Variants in TRIM24 observed in about 807,000 individuals in gnomAD.
TRIM24 encodes tripartite motif containing 24, also known as transcription intermediary factor 1-alpha.
A neutral mutation model predicts 123.9 loss-of-function variants in TRIM24; 29 were observed. The ratio of observed to expected loss-of-function variants is 0.23; its 90% CI spans 0.17 to 0.32. The LOEUF (loss-of-function observed/expected upper bound fraction) is 0.32, where lower values mean the gene tolerates loss of function less well. Ranked by LOEUF, TRIM24 falls within the 10% of genes least tolerant of loss-of-function variation. The probability of loss-of-function intolerance (pLI) is 1.00; values close to 1 mark genes in which losing one functional copy is unlikely to be tolerated. For synonymous variants in TRIM24, 456 were observed against 461.1 expected (o/e 0.99, Z 0.14); for missense variants, 932 against 1,295.3 (o/e 0.72, Z 4.31).
chr7:138,584,065 ACC>A, intron 18 of TRIM24, 66 bp downstream of exon 18: 1 of 1,524,034 alleles, frequency 6.6e-7, no homozygotes. Flanking sequence ...ATTACTAAAC[ACC>A]TTGTCAACAT....
At chr7:138,524,357 A>C (rs1256004352) in intron 4 of TRIM24, among the ~76,000 whole-genome samples, 1 of 152,156 alleles carries the variant, frequency 6.6e-6, no homozygotes, top group Non-Finnish European at 1.5e-5. Context: ...CCTTATATTA[A>C]ATAAGGGTAG....
chr7:138,573,589 C>G lies in TRIM24; in HGVS notation c.1961C>G (p.Ser654Ter). 1 of 1,614,090 alleles carries G rather than the reference C, an allele frequency of 6.2e-7. No individual in the cohort carries two copies. Among genetic ancestry groups the G allele is most frequent in the Non-Finnish European group, 8.5e-7 (1 of 1,179,974 alleles). Residue 654 changes from serine (S) to a stop codon, truncating the protein, a stop_gained, in exon 12 of 19, where the codon TCA becomes TGA. Coordinates refer to ENST00000343526, the MANE Select transcript of TRIM24 (RefSeq NM_015905.3). LOFTEE classifies it high-confidence loss of function. The stretch of plus-strand genomic sequence containing the variant: ...GATCATGGCCAGCCAAGACCACCCT[C>G]AAACAGAACGGTCCAGTCACCAAAT... Reference protein sequence around the residue: ...NIDHGQPRPPSNRTVQSPNSS... With the variant: ...NIDHGQPRPP
At chr7:138,512,976 A>G (rs1394104004) in intron 2 of TRIM24, among the ~76,000 whole-genome samples, 1 of 152,184 alleles carries the variant, frequency 6.6e-6, no homozygotes, top group Non-Finnish European at 1.5e-5. Context: ...AGGTTGTTAG[A>G]AGCAGCCAGA....
intron 1 of TRIM24, among the ~76,000 whole-genome samples, chr7:138,475,097 T>C (rs1352414490): frequency 1.3e-5 from 2 of 152,164 alleles, no homozygotes; most frequent in South Asian, 4.1e-4. Context: ...AATAGGCTCA[T>C]TGATTGATTG....
intron 9 of TRIM24, among the ~76,000 whole-genome samples, chr7:138,564,440 A>G (rs544854537): frequency 1.3e-5 from 2 of 152,118 alleles, no homozygotes; most frequent in Non-Finnish European, 2.9e-5. Context: ...TGGAAGAGGA[A>G]TTTCTATCTC....
intron 1 of TRIM24, among the ~76,000 whole-genome samples, chr7:138,501,000 TATC>T (rs576674333): frequency 1.1e-3 from 169 of 152,068 alleles, no homozygotes; most frequent in African/African-American, 3.8e-3. Context: ...ATAGAGCAGT[TATC>T]ATGGTGGTGC....
At chr7:138,471,795 CCT>C (rs1795278723) in intron 1 of TRIM24, among the ~76,000 whole-genome samples, 2 of 152,154 alleles carry the variant, frequency 1.3e-5, no homozygotes, top group South Asian at 4.1e-4. Context: ...CCTGCCTCAG[CCT>C]CTCAAAGTGC....
At chr7:138,579,684 T>G in intron 15 of TRIM24, 152 bp downstream of exon 15, 1 of 646,102 alleles carries the variant, frequency 1.5e-6, no homozygotes, top group South Asian at 2.1e-5. Context: ...TCCCATACCC[T>G]TCCGCTTATT....
intron 6 of TRIM24, among the ~76,000 whole-genome samples, chr7:138,537,388 T>TTTG (rs1796909938): frequency 2.4e-5 from 3 of 126,528 alleles, no homozygotes; most frequent in Non-Finnish European, 3.4e-5. Flanking sequence ...TGTTTTTTTT[T>TTTG]TTTTTTTTTT....
intron 6 of TRIM24, among the ~76,000 whole-genome samples, chr7:138,530,039 T>C (rs1796697078): frequency 6.6e-6 from 1 of 152,078 alleles, no homozygotes; most frequent in African/African-American, 2.4e-5. Flanking sequence ...AATTAAAAGG[T>C]TTCTGTCAGA....
Position 138,584,883 on chromosome 7 carries a change from G to C in TRIM24, c.3085G>C (p.Asp1029His). 12 of 1,613,850 alleles carry C rather than the reference G, an allele frequency of 7.4e-6. No homozygotes were observed. Among genetic ancestry groups the C allele is most frequent in the Non-Finnish European group, 1.0e-5 (12 of 1,179,870 alleles). The change falls in exon 19 of 19, where the codon GAT (aspartate) becomes CAT (histidine). Residue 1029 changes from aspartate (D) to histidine (H), a missense_variant. Asp to His is a moderately conservative substitution (Grantham distance 81, BLOSUM62 -1). This residue lies in a region of TRIM24 where 104 missense variants were observed against 121.5 expected (regional missense o/e 0.86). Coordinates refer to ENST00000343526, the MANE Select transcript of TRIM24 (RefSeq NM_015905.3). ...AGATAATAAATTTAGTGATGATTCA[G>C]ATGATGACTTTGTACAGCCCCGGAA... ...SEDNKFSDDS[D>H]DDFVQPRKKR...
chr7:138,476,605 AAAAAG>A (rs974716791), intron 1 of TRIM24, among the ~76,000 whole-genome samples: 2 of 152,066 alleles, frequency 1.3e-5, no homozygotes, highest in African/African-American at 4.8e-5. Flanking sequence ...AAAAAAAAAA[AAAAAG>A]AAATTCCCCC....
intron 5 of TRIM24, among the ~76,000 whole-genome samples, chr7:138,527,581 A>C (rs183132407): frequency 2.2e-3 from 330 of 152,322 alleles, no homozygotes; most frequent in African/African-American, 7.0e-3. Flanking sequence ...GTTGATGTCA[A>C]ACAATTATCT....
intron 1 of TRIM24, among the ~76,000 whole-genome samples, chr7:138,493,409 C>T (rs1357684526): frequency 6.6e-6 from 1 of 152,154 alleles, no homozygotes; most frequent in Non-Finnish European, 1.5e-5. Flanking sequence ...TTGTTGAGGT[C>T]TAAAGTTGTC....
chr7:138,495,563 G>T (rs1391672854), intron 1 of TRIM24, among the ~76,000 whole-genome samples: 1 of 151,746 alleles, frequency 6.6e-6, no homozygotes, highest in Admixed American at 6.6e-5. Context: ...TTGTATTTAA[G>T]GCTTCTCTTT....
intron 17 of TRIM24, among the ~76,000 whole-genome samples, chr7:138,582,877 T>G (rs186246844): frequency 1.3e-5 from 2 of 152,162 alleles, no homozygotes; most frequent in Non-Finnish European, 2.9e-5. Context: ...GGGAGAAGGG[T>G]CTTTTGTACC....
At chr7:138,556,210 T>TA (rs1274291167) in intron 9 of TRIM24, 1 of 152,206 alleles carries the variant, frequency 6.6e-6, no homozygotes, top group Non-Finnish European at 1.5e-5. Context: ...TATACTTTTT[T>TA]AAAGTTTCGA....
At position 138,585,192 on chromosome 7, in the gene TRIM24, T is replaced by C; in HGVS notation, c.*241T>C. ...AATGGAAAGAAGGAAAAAAGGAGGA[T>C]AGAAAAAGGATGGAAGAAAGAAGCA... On this transcript the variant is annotated 3_prime_UTR_variant, in exon 19 of 19. Coordinates refer to ENST00000343526, the MANE Select transcript of TRIM24 (RefSeq NM_015905.3). 1 of 339,914 alleles carries C rather than the reference T, an allele frequency of 2.9e-6. No homozygotes were observed. The highest frequency in any genetic ancestry group is 5.3e-6 in the Non-Finnish European group (1 of 190,208). 21.1% of individuals were successfully genotyped at this position (339,914 alleles called of 1,614,324 possible).
intron 1 of TRIM24, among the ~76,000 whole-genome samples, chr7:138,491,809 A>G (rs1309200661): frequency 6.6e-6 from 1 of 152,162 alleles, no homozygotes; most frequent in African/African-American, 2.4e-5. Flanking sequence ...CACATCCTGG[A>G]CAACATGTAT....
Sources: gnomAD v4.1 joint callset for allele counts (sites outside exome capture counted in the v4.1 genomes callset) on GRCh38, gnomAD v4.1.1 for gene constraint, gnomAD v4.1.1 regional missense constraint, MANE v1.5 for transcripts, NCBI Gene and HGNC (gene_info 2026-07-23, HGNC 2026-07-21) for gene names.